The following CC2D2A variants were observed in gnomAD, a reference collection of about 807,000 sequenced individuals.
The protein encoded by CC2D2A is coiled-coil and C2 domain-containing protein 2A.
A neutral mutation model predicts 212.9 loss-of-function variants in CC2D2A; 155 were observed. That is an observed-to-expected ratio of 0.73 (90% CI 0.64 to 0.83). CC2D2A has a LOEUF of 0.83. Ranked by LOEUF, CC2D2A falls within the 40% of genes least tolerant of loss-of-function variation. The pLI, the probability that CC2D2A is intolerant of heterozygous loss-of-function variation, is 0.00. For synonymous variants in CC2D2A, 667 were observed against 686.5 expected (o/e 0.97, Z 0.44); for missense variants, 1,856 against 1,956.2 (o/e 0.95, Z 0.97).
Position 15,537,014 on chromosome 4 carries a change from G to A in CC2D2A, c.1702G>A (p.Ala568Thr), listed in dbSNP as rs368669579. Residue 568 changes from alanine to threonine, a missense_variant, in exon 15 of 37, where the codon GCA (alanine) becomes ACA (threonine). Ala to Thr is a moderately conservative substitution (Grantham distance 58, BLOSUM62 0). Around this residue, in one of 5 missense-constraint regions of CC2D2A, gnomAD observed 1,512 missense variants for 1,579.3 expected, o/e 0.96. Coordinates refer to ENST00000424120, the MANE Select transcript of CC2D2A (RefSeq NM_001378615.1). ...ELLEEHTEEY[A>T]QKMEEYRTSL... is the part of the protein sequence containing the mutation. ...GTTAGAAGAGCACACGGAGGAGTAC[G>A]CACAGAAGATGGAAGAATACAGAAC... 2.1e-5 allele frequency: 34 copies of A among 1,613,484 alleles called. No homozygotes were observed. Among genetic ancestry groups the A allele is most frequent in the South Asian group, 3.3e-5 (3 of 91,044 alleles).
At chr4:15,566,748 G>A (rs528597987) in intron 24 of CC2D2A, among the ~76,000 whole-genome samples, 8 of 152,116 alleles carry the variant, frequency 5.3e-5, no homozygotes, top group Non-Finnish European at 7.4e-5. Flanking sequence ...AAGACAGGAG[G>A]ATCACTTGAA....
chr4:15,537,826 G>C (rs1718213946), intron 15 of CC2D2A, 73 bp from the exon 16 acceptor site: 1 of 1,468,972 alleles, frequency 6.8e-7, no homozygotes, highest in African/African-American at 1.4e-5. Context: ...AGGTCCATCT[G>C]GCTATGAAGA....
At chr4:15,555,517 T>C (rs1719233119) in intron 20 of CC2D2A, among the ~76,000 whole-genome samples, 1 of 152,114 alleles carries the variant, frequency 6.6e-6, no homozygotes, top group Non-Finnish European at 1.5e-5. Flanking sequence ...GGAAGGAGGA[T>C]CGCTTGAGCC....
intron 3 of CC2D2A, among the ~76,000 whole-genome samples, chr4:15,480,310 G>A (rs990260725): frequency 3.3e-5 from 5 of 152,122 alleles, no homozygotes; most frequent in Non-Finnish European, 7.4e-5. Context: ...CTTGGGGGGT[G>A]TCCAAAGGGT....
rs1032400794 is a variant in CC2D2A, at chr4:15,479,099, C to T, written c.123+293C>T. On this transcript the variant is annotated intron_variant, in intron 3 of 36. Transcript: ENST00000424120. ...AGGACTCTAGAAAAGATGGAAGGAG[C>T]CTGTTTTAGTGCTTCATTGAAGGCC... 1.2e-5 allele frequency: 9 copies of T among 751,916 alleles called. No individual in the cohort carries two copies. The African/African-American group carries it at 1.2e-4, about 10-fold the overall frequency. 46.6% of individuals were successfully genotyped at this position (751,916 alleles called of 1,614,324 possible).
At position 15,537,091 on chromosome 4, in the gene CC2D2A, A is replaced by C; in HGVS notation, c.1764+15A>C. The stretch of plus-strand genomic sequence containing the variant: ...GGAAAGTGCAAGTGTGTAAACAAAC[A>C]CTCAGCCTGGAATAGGGCTGGCCAG... On this transcript the variant is annotated intron_variant, in intron 15 of 36. Coordinates refer to ENST00000424120, the MANE Select transcript of CC2D2A (RefSeq NM_001378615.1). 6.2e-7 allele frequency: 1 copy of C among 1,611,646 alleles called. No individual in the cohort carries two copies. The highest frequency in any genetic ancestry group is 8.5e-7 in the Non-Finnish European group (1 of 1,178,534).
At chr4:15,571,278 C>A (rs1455034721) in intron 28 of CC2D2A, among the ~76,000 whole-genome samples, 1 of 152,130 alleles carries the variant, frequency 6.6e-6, no homozygotes, top group African/African-American at 2.4e-5. Flanking sequence ...ATGAAAAATG[C>A]AGAGACACGC....
chr4:15,593,241 T>A (rs1721187412), intron 33 of CC2D2A, among the ~76,000 whole-genome samples: 1 of 152,216 alleles, frequency 6.6e-6, no homozygotes, highest in Non-Finnish European at 1.5e-5. Flanking sequence ...TTCCCACTAC[T>A]TTTCTGAACA....
At chr4:15,574,449 T>C (rs1414750210) in intron 29 of CC2D2A, 123 bp downstream of exon 29, 8 of 698,126 alleles carry the variant, frequency 1.1e-5, no homozygotes, top group Non-Finnish European at 1.6e-5. Flanking sequence ...AATCTCCATT[T>C]ATTATTCTTT....
At chr4:15,599,727 A>C in intron 36 of CC2D2A, 21 bp downstream of exon 36, 1 of 1,557,390 alleles carries the variant, frequency 6.4e-7, no homozygotes, top group Non-Finnish European at 8.8e-7. Context: ...AATGGATCCT[A>C]AACTGACTGT....
Position 15,538,129 on chromosome 4 carries a change from G to A in CC2D2A, c.1995G>A (p.Gln665=). Residue 665 remains glutamine (Q), a synonymous_variant, in exon 16 of 37, where the codon CAG becomes CAA. Transcript: ENST00000424120. ...SLAGSVTPND[Q]CPRAEVSRRE... is the part of the protein sequence containing the mutation. ...CAGGAAGCGTAACACCCAATGACCA[G>A]TGCCCCAGGTGAGTGGATGCTCCGA... 6.4e-7 allele frequency: 1 copy of A among 1,564,620 alleles called. No homozygotes were observed. The highest frequency in any genetic ancestry group is 8.7e-7 in the Non-Finnish European group (1 of 1,153,254).
At chr4:15,559,053 G>A in intron 21 of CC2D2A, 112 bp from the exon 22 acceptor site, 2 of 727,898 alleles carry the variant, frequency 2.7e-6, no homozygotes, top group South Asian at 3.6e-5. Context: ...GAAGGTGGAA[G>A]AAATATTTAA....
chr4:15,571,971 G>A (rs1168824060), intron 28 of CC2D2A, among the ~76,000 whole-genome samples: 1 of 152,090 alleles, frequency 6.6e-6, no homozygotes, highest in Non-Finnish European at 1.5e-5. Flanking sequence ...TACCTTCTGA[G>A]GCAGTTTGCT....
chr4:15,471,686 TAATA>T (rs1713836057), intron 1 of CC2D2A, among the ~76,000 whole-genome samples: 1 of 150,806 alleles, frequency 6.6e-6, no homozygotes, highest in South Asian at 2.1e-4. Context: ...ATCACACAGC[TAATA>T]AATAAAGCTG....
chr4:15,567,590 A>G (rs970218729), intron 25 of CC2D2A, 87 bp from the exon 26 acceptor site: 6 of 1,304,304 alleles, frequency 4.6e-6, no homozygotes, highest in African/African-American at 4.5e-5. Context: ...TTGGAAACAT[A>G]CTACTTAGTA....
At position 15,589,546 on chromosome 4, in the gene CC2D2A, G is replaced by T. The variant is rs1037467014; in HGVS notation, c.4181G>T (p.Gly1394Val). Reference sequence around the variant, plus strand: ...GTTTTAATGGCCATCTTCTTTCAGGGTCCAACTGCCTATGTGCTAACTTGG... The same window carrying T: ...GTTTTAATGGCCATCTTCTTTCAGGTTCCAACTGCCTATGTGCTAACTTGG... ...WLLMGNAIPE[G>V]PTAYVLTWEQ... The change falls in exon 33 of 37, where the codon GGT becomes GTT. Residue 1394 changes from glycine to valine, a missense_variant and splice_region_variant. Physicochemically the swap from Gly to Val is moderately radical, Grantham distance 109. Transcript: ENST00000424120. 6.2e-7 allele frequency: 1 copy of T among 1,611,114 alleles called. No homozygotes were observed. The highest frequency in any genetic ancestry group is 1.3e-5 in the African/African-American group (1 of 74,766).
chr4:15,485,160 C>T (rs138809364), intron 4 of CC2D2A, among the ~76,000 whole-genome samples: 167 of 152,330 alleles, frequency 1.1e-3, no homozygotes, highest in African/African-American at 3.8e-3. Flanking sequence ...CCTCTGGTAA[C>T]CATCATTCTA....
At chr4:15,555,540 ACCAGT>A (rs1178778591) in intron 20 of CC2D2A, among the ~76,000 whole-genome samples, 1 of 152,150 alleles carries the variant, frequency 6.6e-6, no homozygotes, top group Admixed American at 6.5e-5. Flanking sequence ...AGAGTTCGAA[ACCAGT>A]CTGGGCAACA....
At chr4:15,587,298 T>C (rs935869907) in intron 31 of CC2D2A, among the ~76,000 whole-genome samples, 1 of 152,194 alleles carries the variant, frequency 6.6e-6, no homozygotes, top group African/African-American at 2.4e-5. Context: ...GCTACTCACC[T>C]CCTGCTGTGC....
Sources: gnomAD v4.1 joint callset for allele counts (sites outside exome capture counted in the v4.1 genomes callset) on GRCh38, gnomAD v4.1.1 for gene constraint, gnomAD v4.1.1 regional missense constraint, MANE v1.5 for transcripts, NCBI Gene and HGNC (gene_info 2026-07-23, HGNC 2026-07-21) for gene names.